Variants in CDH18 observed in about 807,000 individuals in gnomAD.
CDH18 encodes the protein cadherin 18.
CDH18 carries 31 observed loss-of-function variants against 67.9 expected under a neutral mutation model. The ratio of observed to expected loss-of-function variants is 0.46; its 90% CI spans 0.34 to 0.62. The LOEUF (loss-of-function observed/expected upper bound fraction) is 0.62. CDH18 is among the 20% of genes least tolerant of loss of function. The pLI is 0.01. For missense variants in CDH18, 890 were observed against 975.5 expected (o/e 0.91, Z 1.17); for synonymous variants, 362 against 347.2 (o/e 1.04, Z -0.48).
At chr5:20,428,777 T>TAA (rs1748520324) in intron 1 of CDH18, among the ~76,000 whole-genome samples, 1 of 152,194 alleles carries the variant, frequency 6.6e-6, no homozygotes, top group Non-Finnish European at 1.5e-5. Context: ...CCACAAATAA[T>TAA]CTGCGTTATT....
At chr5:20,186,283 A>G in intron 2 of CDH18, among the ~76,000 whole-genome samples, 1 of 151,980 alleles carries the variant, frequency 6.6e-6, no homozygotes, top group Admixed American at 6.6e-5. Flanking sequence ...ACAAGAAAAA[A>G]TAAAGAAGTT....
intron 12 of CDH18, among the ~76,000 whole-genome samples, chr5:19,481,782 T>C (rs987422779): frequency 1.3e-5 from 2 of 152,166 alleles, no homozygotes; most frequent in Non-Finnish European, 2.9e-5. Flanking sequence ...TTTTCAAGAA[T>C]ACCTCTTTCT....
In CDH18 at chr5:20,239,985, T is replaced by C. The variant is rs544162577; in HGVS notation, c.-518+15459A>G. Among the ~76,000 whole-genome samples the C allele has an allele frequency of 1.4e-4, 22 of 151,846 alleles. No individual in the cohort carries two copies. The Middle Eastern group carries it at 0.01, about 71-fold the overall frequency. On this transcript the variant is annotated intron_variant, in intron 2 of 14. Coordinates refer to the CDH18 transcript ENST00000507958. The stretch of plus-strand genomic sequence containing the variant: ...TGAATTACACTAAATTGAAGTGGCA[T>C]AATAGAAAAATATGTACTAGAAGAT...
intron 2 of CDH18, among the ~76,000 whole-genome samples, chr5:19,856,023 TCTC>T (rs771513802): frequency 9.9e-5 from 15 of 152,182 alleles, no homozygotes; most frequent in Admixed American, 2.0e-4. Flanking sequence ...GCAAAAGACT[TCTC>T]CTAATAATTA....
intron 8 of CDH18, among the ~76,000 whole-genome samples, chr5:19,565,959 C>T (rs1451392582): frequency 6.6e-6 from 1 of 151,950 alleles, no homozygotes; most frequent in Non-Finnish European, 1.5e-5. Flanking sequence ...AAAATATTTT[C>T]AGATTATCCA....
rs1491460573 is a variant in CDH18 at position 20,443,207 on chromosome 5, C to CTCAAAAAAAAAAAA, written c.-580+132254_-580+132255insTTTTTTTTTTTTGA. On this transcript the variant is annotated intron_variant, in intron 1 of 14. Transcript: ENST00000507958. ...CCTGGGTGATAGAGCGAGACTCCGT[C>CTCAAAAAAAAAAAA]ACAAAAAAAAAAAAAAAAAAAAAAG... Among the ~76,000 whole-genome samples, 56 of 25,348 alleles carry CTCAAAAAAAAAAAA rather than the reference C, an allele frequency of 2.2e-3. 4 individuals are homozygous for CTCAAAAAAAAAAAA. The highest frequency in any genetic ancestry group is 3.5e-3 in the Admixed American group (5 of 1,434). The allele number at this position is 25,348 out of a possible 152,430, so 16.6% of individuals were successfully genotyped here. A position where few individuals can be genotyped will look rare whatever the true frequency, so the allele number is the denominator to read the frequency against.
chr5:19,832,593 G>A (rs1781178330), intron 3 of CDH18, among the ~76,000 whole-genome samples: 1 of 151,988 alleles, frequency 6.6e-6, no homozygotes, highest in Non-Finnish European at 1.5e-5. Context: ...TTGTCATGAA[G>A]TCTTAGCACA....
At chr5:19,828,096 T>C (rs1253456150) in intron 3 of CDH18, among the ~76,000 whole-genome samples, 2 of 152,026 alleles carry the variant, frequency 1.3e-5, no homozygotes, top group African/African-American at 4.8e-5. Context: ...TACAAACACC[T>C]CTATGCACAC....
intron 1 of CDH18, among the ~76,000 whole-genome samples, chr5:20,419,422 T>C (rs539651891): frequency 1.5e-4 from 22 of 150,598 alleles, no homozygotes; most frequent in Non-Finnish European, 2.9e-4. Flanking sequence ...GAAATAAATT[T>C]CCGTTGTTTC....
chr5:19,993,709 C>T (rs545630875), intron 2 of CDH18, among the ~76,000 whole-genome samples: 18 of 151,920 alleles, frequency 1.2e-4, no homozygotes, highest in Admixed American at 4.6e-4. Context: ...CACATATACA[C>T]GCATATAGAT....
intron 4 of CDH18, among the ~76,000 whole-genome samples, chr5:19,742,336 A>T (rs1769320659): frequency 6.6e-6 from 1 of 152,078 alleles, no homozygotes; most frequent in African/African-American, 2.4e-5. Flanking sequence ...ATATTTGCAA[A>T]GCTATATAGA....
intron 11 of CDH18, among the ~76,000 whole-genome samples, chr5:19,498,089 C>T (rs1341226124): frequency 6.6e-6 from 1 of 152,036 alleles, no homozygotes; most frequent in East Asian, 1.9e-4. Flanking sequence ...GGGTTTGTAC[C>T]TCAACTAAGG....
chr5:20,373,690 G>GAT (rs1743188648), intron 1 of CDH18, among the ~76,000 whole-genome samples: 1 of 151,620 alleles, frequency 6.6e-6, no homozygotes, highest in Non-Finnish European at 1.5e-5. Context: ...ATTAGGCCAA[G>GAT]AACTATGCCT....
At chr5:20,216,434 G>A (rs1740775660) in intron 2 of CDH18, among the ~76,000 whole-genome samples, 1 of 151,858 alleles carries the variant, frequency 6.6e-6, no homozygotes, top group Non-Finnish European at 1.5e-5. Flanking sequence ...CAAGGTAGTG[G>A]GAACCTGTCT....
chr5:20,345,317 C>A (rs530330417), intron 1 of CDH18, among the ~76,000 whole-genome samples: 2 of 152,118 alleles, frequency 1.3e-5, no homozygotes, highest in Non-Finnish European at 2.9e-5. Flanking sequence ...GTAATTCTCA[C>A]GATAAGGCAA....
intron 1 of CDH18, among the ~76,000 whole-genome samples, chr5:20,339,653 C>T (rs1400931237): frequency 8.5e-5 from 13 of 152,072 alleles, no homozygotes; most frequent in Admixed American, 7.9e-4. Flanking sequence ...TTAGGTGGCC[C>T]CTGGCCTTAC....
intron 5 of CDH18, among the ~76,000 whole-genome samples, chr5:19,614,214 T>C (rs1427988131): frequency 6.6e-6 from 1 of 151,930 alleles, no homozygotes; most frequent in Admixed American, 6.6e-5. Context: ...ATTTTCTTTT[T>C]TTTCTGAATT....
At chr5:20,408,165 T>C (rs1746458948) in intron 1 of CDH18, among the ~76,000 whole-genome samples, 1 of 151,990 alleles carries the variant, frequency 6.6e-6, no homozygotes, top group South Asian at 2.1e-4. Context: ...AAATTGTTCT[T>C]CAAAAATGAA....
At chr5:19,528,965 T>G (rs1748170444) in intron 9 of CDH18, among the ~76,000 whole-genome samples, 1 of 151,696 alleles carries the variant, frequency 6.6e-6, no homozygotes, top group Non-Finnish European at 1.5e-5. Flanking sequence ...TTGACTGGTT[T>G]GGAAATAGAA....
Sources: gnomAD v4.1 joint callset for allele counts (sites outside exome capture counted in the v4.1 genomes callset) on GRCh38, gnomAD v4.1.1 for gene constraint, MANE v1.5 for transcripts, NCBI Gene and HGNC (gene_info 2026-07-23, HGNC 2026-07-21) for gene names.